The following DAB1 variants were observed in gnomAD, a reference collection of about 807,000 sequenced individuals.
DAB1 encodes the protein disabled homolog 1.
Under a neutral mutation model 64.6 loss-of-function variants are expected in DAB1, and 15 were observed. The observed-to-expected ratio is 0.23, with a 90% CI of 0.16 to 0.36. The LOEUF (loss-of-function observed/expected upper bound fraction) is 0.36. DAB1 is among the 10% of genes least tolerant of loss of function. The pLI is 1.00. For synonymous variants in DAB1, 235 were observed against 251.9 expected (o/e 0.93, Z 0.64); for missense variants, 596 against 706.7 (o/e 0.84, Z 1.78).
chr1:58,074,951 T>G (rs962030557), intron 5 of DAB1, among the ~76,000 whole-genome samples: 5 of 152,138 alleles, frequency 3.3e-5, no homozygotes, highest in Non-Finnish European at 7.3e-5. Flanking sequence ...GGCTTCAAAG[T>G]GCACCATGTT....
At chr1:58,039,958 A>C (rs776264561) in intron 5 of DAB1, among the ~76,000 whole-genome samples, 6 of 152,124 alleles carry the variant, frequency 3.9e-5, no homozygotes, top group Non-Finnish European at 8.8e-5. Context: ...CAGTGCTAGC[A>C]AAACTAGCAA....
At chr1:57,203,811 C>G (rs530069873) in intron 2 of DAB1, among the ~76,000 whole-genome samples, 1 of 152,254 alleles carries the variant, frequency 6.6e-6, no homozygotes, top group African/African-American at 2.4e-5. Flanking sequence ...TGTACCGGTT[C>G]CGGACAACTG....
intron 10 of DAB1, 72 bp from the exon 11 acceptor site, chr1:57,023,711 T>C: frequency 1.0e-6 from 1 of 996,362 alleles, no homozygotes; most frequent in Non-Finnish European, 1.6e-6. Context: ...AGGTAGCAGA[T>C]GCAGGAATTA....
Position 57,728,259 on chromosome 1 carries a change from T to C in DAB1, n.552-78594A>G, listed in dbSNP as rs142269418. 3.4e-3 allele frequency among the ~76,000 whole-genome samples: 523 copies of C among 152,272 alleles called. 4 individuals are homozygous for C. Among genetic ancestry groups the C allele is most frequent in the African/African-American group, 0.011 (448 of 41,548 alleles). On this transcript the variant is annotated intron_variant and non_coding_transcript_variant, in intron 6 of 20. Transcript: ENST00000485760. ...GCTTAGTTTGGTTAGTTCACAAACT[T>C]AGCTTAGCAAATACAATATTGGACA...
At chr1:57,216,771 T>G (rs1193456144) in intron 2 of DAB1, among the ~76,000 whole-genome samples, 2 of 152,238 alleles carry the variant, frequency 1.3e-5, no homozygotes, top group Non-Finnish European at 2.9e-5. Flanking sequence ...TTGCAAGATA[T>G]TTTATTGTCA....
chr1:57,605,074 G>A (rs1414223597), intron 7 of DAB1, among the ~76,000 whole-genome samples: 4 of 152,166 alleles, frequency 2.6e-5, no homozygotes, highest in Non-Finnish European at 4.4e-5. Flanking sequence ...TGGGGTGCAC[G>A]AACCACTCTG....
intron 5 of DAB1, chr1:58,071,452 G>A (rs1649258935): frequency 6.5e-6 from 1 of 154,562 alleles, no homozygotes; most frequent in South Asian, 2.1e-4. Flanking sequence ...CTAAGAGAAG[G>A]GTGAGCAAGG....
chr1:57,361,183 T>A (rs1330697455), intron 1 of DAB1, among the ~76,000 whole-genome samples: 1 of 152,150 alleles, frequency 6.6e-6, no homozygotes, highest in Non-Finnish European at 1.5e-5. Flanking sequence ...GAAACTGCAA[T>A]TACAGATGTA....
chr1:57,158,039 TG>T (rs1220136550), intron 2 of DAB1, among the ~76,000 whole-genome samples: 1 of 152,200 alleles, frequency 6.6e-6, no homozygotes, highest in African/African-American at 2.4e-5. Flanking sequence ...TGCTACTTCC[TG>T]TGTATAAGCA....
intron 4 of DAB1, among the ~76,000 whole-genome samples, chr1:58,331,480 A>C (rs1233645661): frequency 4.6e-5 from 7 of 152,240 alleles, no homozygotes; most frequent in Non-Finnish European, 7.3e-5. Context: ...TGTGAGTAAC[A>C]TGCTATCAAA....
At chr1:58,329,166 A>C (rs1174462143) in intron 4 of DAB1, among the ~76,000 whole-genome samples, 1 of 152,234 alleles carries the variant, frequency 6.6e-6, no homozygotes, top group Non-Finnish European at 1.5e-5. Context: ...TAGATAAGCA[A>C]AGGAATAAAA....
intron 5 of DAB1, among the ~76,000 whole-genome samples, chr1:58,015,083 C>G (rs1387263299): frequency 6.6e-6 from 1 of 152,216 alleles, no homozygotes; most frequent in African/African-American, 2.4e-5. Flanking sequence ...AGCAGAGAGG[C>G]AGCTGCCCCA....
chr1:57,329,683 C>CAAAAA (rs1676487563), intron 1 of DAB1, among the ~76,000 whole-genome samples: 1 of 142,966 alleles, frequency 7.0e-6, no homozygotes, highest in Admixed American at 6.9e-5. Context: ...AAAAAAAACC[C>CAAAAA]ACAAAACAAA....
At chr1:57,779,566 C>T (rs1033589372) in intron 6 of DAB1, among the ~76,000 whole-genome samples, 2 of 152,136 alleles carry the variant, frequency 1.3e-5, no homozygotes, top group Admixed American at 6.6e-5. Flanking sequence ...CCTAACAGTG[C>T]TATAATTTCA....
At chr1:57,047,408 T>C (rs903590488) in intron 9 of DAB1, among the ~76,000 whole-genome samples, 1 of 152,046 alleles carries the variant, frequency 6.6e-6, no homozygotes, top group African/African-American at 2.4e-5. Flanking sequence ...TAGGAGGTAA[T>C]TAGGGCTAGA....
At chr1:57,298,710 T>G (rs1038547866) in intron 1 of DAB1, among the ~76,000 whole-genome samples, 1 of 151,894 alleles carries the variant, frequency 6.6e-6, no homozygotes, top group African/African-American at 2.4e-5. Context: ...TAGGATAAAC[T>G]AAATAAACAA....
intron 6 of DAB1, among the ~76,000 whole-genome samples, chr1:57,665,321 A>G (rs1031141527): frequency 2.0e-5 from 3 of 152,132 alleles, no homozygotes; most frequent in African/African-American, 7.2e-5. Context: ...AAGTTAGCAT[A>G]GTTTAAATAA....
chr1:57,939,158 C>G (rs1242989283), intron 5 of DAB1, among the ~76,000 whole-genome samples: 1 of 152,042 alleles, frequency 6.6e-6, no homozygotes, highest in Non-Finnish European at 1.5e-5. Context: ...TCACAGATGA[C>G]CTTCTTCTCT....
intron 7 of DAB1, among the ~76,000 whole-genome samples, chr1:57,646,775 C>T (rs955872503): frequency 2.0e-5 from 3 of 152,036 alleles, no homozygotes; most frequent in Non-Finnish European, 2.9e-5. Context: ...AACAAAACCC[C>T]AAAATACTCT....
Sources: allele counts gnomAD v4.1 joint callset (sites outside exome capture counted in the v4.1 genomes callset), GRCh38; gene constraint gnomAD v4.1.1; transcripts MANE v1.5; gene names NCBI Gene and HGNC (gene_info 2026-07-23, HGNC 2026-07-21).